The following SH3KBP1 variants were observed in gnomAD, a reference collection of about 807,000 sequenced individuals.
SH3KBP1 encodes the protein SH3 domain-containing kinase-binding protein 1.
In SH3KBP1, 8 loss-of-function variants were observed where a neutral mutation model predicts 50.1. The ratio of observed to expected loss-of-function variants is 0.16; its 90% CI spans 0.09 to 0.29. The LOEUF (loss-of-function observed/expected upper bound fraction) is 0.29, where lower values mean the gene tolerates loss of function less well. SH3KBP1 is among the 10% of genes least tolerant of loss of function. The pLI is 1.00. For synonymous variants in SH3KBP1, 227 were observed against 218.6 expected (o/e 1.04, Z -0.34); for missense variants, 377 against 535.2 (o/e 0.70, Z 2.92).
chrX:19,623,709 A>G (rs1407684810), intron 8 of SH3KBP1, among the ~76,000 whole-genome samples: 1 of 112,379 alleles, frequency 8.9e-6, no homozygotes, highest in Non-Finnish European at 1.9e-5. Context: ...AAAAAAGTAT[A>G]TCCCATGCCA....
intron 8 of SH3KBP1, among the ~76,000 whole-genome samples, chrX:19,616,890 G>A (rs1283327529): frequency 9.0e-6 from 1 of 111,222 alleles, no homozygotes; most frequent in Non-Finnish European, 1.9e-5. Context: ...GTGATCTCTG[G>A]GATATCCACT....
intron 2 of SH3KBP1, among the ~76,000 whole-genome samples, chrX:19,796,853 C>A (rs2066729813): frequency 8.9e-6 from 1 of 112,243 alleles, no homozygotes; most frequent in African/African-American, 3.2e-5. Context: ...GCCCTGGGGT[C>A]TGAAATGCTC....
chrX:19,760,041 C>CCTCTCCCTCT (rs1556346157), intron 2 of SH3KBP1, among the ~76,000 whole-genome samples: 22 of 50,445 alleles, frequency 4.4e-4, no homozygotes, highest in African/African-American at 1.7e-3. Context: ...TCTCTCTCTC[C>CCTCTCCCTCT]CTCTCTCTCT....
chrX:19,708,709 G>A (rs544915047), intron 3 of SH3KBP1, among the ~76,000 whole-genome samples: 14 of 111,843 alleles, frequency 1.3e-4, no homozygotes, highest in Admixed American at 9.4e-4. Context: ...TGACCCCTGC[G>A]ACTCCACTGG....
intron 15 of SH3KBP1, among the ~76,000 whole-genome samples, chrX:19,544,216 G>A: frequency 1.8e-5 from 2 of 111,256 alleles, no homozygotes; most frequent in Middle Eastern, 4.6e-3. Context: ...AGTGCTCTCT[G>A]CTGCCAGGAA....
chrX:19,588,398 G>A, intron 12 of SH3KBP1: 1 of 1,111,684 alleles, frequency 9.0e-7, no homozygotes, highest in Non-Finnish European at 1.2e-6. Context: ...CCTAAATGCT[G>A]GGTACCCAGT....
At chrX:19,567,441 C>G (rs2065874731) in intron 13 of SH3KBP1, among the ~76,000 whole-genome samples, 1 of 88,092 alleles carries the variant, frequency 1.1e-5, no homozygotes, top group African/African-American at 4.4e-5. Context: ...ATCGCTTGAA[C>G]CTGGGAGGCA....
intron 11 of SH3KBP1, among the ~76,000 whole-genome samples, chrX:19,590,912 T>C (rs2066731650): frequency 1.1e-5 from 1 of 92,583 alleles, no homozygotes; most frequent in Non-Finnish European, 2.1e-5. Flanking sequence ...TCCTCCCGCC[T>C]CAGCCTCCCA....
chrX:19,569,331 G>A (rs897474020), intron 12 of SH3KBP1, 143 bp from the exon 13 acceptor site: 42 of 526,699 alleles, frequency 8.0e-5, no homozygotes, highest in Non-Finnish European at 8.3e-5. Flanking sequence ...GAGAACCAAC[G>A]AGCTGTCTAG....
At chrX:19,560,043 C>G (rs887417916) in intron 13 of SH3KBP1, among the ~76,000 whole-genome samples, 3 of 110,701 alleles carry the variant, frequency 2.7e-5, no homozygotes, top group Non-Finnish European at 5.7e-5. Context: ...CGCAGCTACT[C>G]AGGAGGCTAA....
At position 19,534,850 on chromosome X, in the gene SH3KBP1, G is replaced by A. The variant is rs969369714; in HGVS notation, c.*1567C>T. ...GTTAAGAGGAAGGCAGGGGGAGGAA[G>A]GGAGGAAGAGAAAGGAAGAGACATT... On this transcript the variant is annotated 3_prime_UTR_variant, in exon 18 of 18. Transcript: ENST00000397821. The A allele has an allele frequency of 7.1e-5, 21 of 296,009 alleles. No homozygotes were observed. Among genetic ancestry groups the A allele is most frequent in the Non-Finnish European group, 1.0e-4 (17 of 170,129 alleles). 24.4% of individuals were successfully genotyped at this position (296,009 alleles called of 1,213,427 possible).
chrX:19,713,204 G>C (rs546293231), intron 3 of SH3KBP1, among the ~76,000 whole-genome samples: 1 of 110,681 alleles, frequency 9.0e-6, no homozygotes. Context: ...ATAACAGAGC[G>C]AGACTCTGTC....
chrX:19,535,705 A>T lies in SH3KBP1; in HGVS notation c.*712T>A, dbSNP rs773866062. 1,096 of 110,051 alleles carry T rather than the reference A, an allele frequency of 1.0e-2. 6 individuals are homozygous for T. The highest frequency in any genetic ancestry group is 0.023 in the Middle Eastern group (5 of 216). The allele number at this position is 110,051 out of a possible 1,213,427, so 9.1% of individuals were successfully genotyped here. On this transcript the variant is annotated 3_prime_UTR_variant, in exon 18 of 18. Transcript: ENST00000397821. ...GATAAGTGGCAGATTTTTTTTTTTT[A>T]ATTTTTAATTTTTTTGAATCATGGT...
intron 13 of SH3KBP1, among the ~76,000 whole-genome samples, chrX:19,554,399 ATATATAT>A (rs2065421520): frequency 1.0e-5 from 1 of 98,626 alleles, no homozygotes; most frequent in South Asian, 4.1e-4. Flanking sequence ...TTAAAATATG[ATATATAT>A]TATATATTTT....
intron 9 of SH3KBP1, among the ~76,000 whole-genome samples, chrX:19,596,855 T>G (rs1185596589): frequency 1.8e-5 from 2 of 112,077 alleles, no homozygotes; most frequent in Non-Finnish European, 3.8e-5. Context: ...CCACTTCAAA[T>G]TCTAGTCCTC....
intron 13 of SH3KBP1, among the ~76,000 whole-genome samples, chrX:19,552,085 T>A (rs1234615664): frequency 8.9e-6 from 1 of 112,502 alleles, no homozygotes; most frequent in African/African-American, 3.2e-5. Context: ...ATACTATATG[T>A]AATACTGCAT....
chrX:19,734,729 A>G (rs1488261603), intron 3 of SH3KBP1, among the ~76,000 whole-genome samples: 1 of 111,887 alleles, frequency 8.9e-6, no homozygotes, highest in African/African-American at 3.2e-5. Context: ...TCTACTTTCT[A>G]TCTCTAGGGA....
intron 2 of SH3KBP1, among the ~76,000 whole-genome samples, chrX:19,805,233 G>C (rs867396943): frequency 1.8e-5 from 2 of 110,748 alleles, no homozygotes; most frequent in South Asian, 3.8e-4. Context: ...TGTGCTGGCA[G>C]CATCGGCACT....
intron 3 of SH3KBP1, among the ~76,000 whole-genome samples, chrX:19,708,944 A>C (rs897745472): frequency 9.8e-5 from 11 of 111,877 alleles, no homozygotes; most frequent in Non-Finnish European, 1.9e-4. Flanking sequence ...TGAAGCCATA[A>C]AACTTACAGT....
Sources: gnomAD v4.1 joint callset for allele counts (sites outside exome capture counted in the v4.1 genomes callset) on GRCh38, gnomAD v4.1.1 for gene constraint, MANE v1.5 for transcripts, NCBI Gene and HGNC (gene_info 2026-07-23, HGNC 2026-07-21) for gene names.